Variants in DDX60 observed in about 807,000 individuals in gnomAD.
The protein encoded by DDX60 is DExD/H-box helicase 60.
DDX60 carries 165 observed loss-of-function variants against 212.8 expected under a neutral mutation model. The observed-to-expected ratio is 0.78, with a 90% CI of 0.68 to 0.88. DDX60 has a LOEUF of 0.88. DDX60 is among the 40% of genes least tolerant of loss of function. The pLI is 0.00. For synonymous variants in DDX60, 703 were observed against 685.3 expected (o/e 1.03, Z -0.40); for missense variants, 1,905 against 2,003.9 (o/e 0.95, Z 0.94).
chr4:168,272,256 T>G, intron 18 of DDX60, 118 bp from the exon 19 acceptor site: 1 of 734,634 alleles, frequency 1.4e-6, no homozygotes, highest in Non-Finnish European at 2.3e-6. Context: ...ATAATTGGCA[T>G]ATAACATTGC....
At chr4:168,292,264 C>T (rs908907056) in intron 7 of DDX60, among the ~76,000 whole-genome samples, 2 of 151,838 alleles carry the variant, frequency 1.3e-5, no homozygotes, top group Non-Finnish European at 2.9e-5. Context: ...AGGCTGGTCT[C>T]GAACTCCTGA....
chr4:168,269,586 G>A (rs1735004549), intron 19 of DDX60, among the ~76,000 whole-genome samples: 1 of 151,854 alleles, frequency 6.6e-6, no homozygotes, highest in East Asian at 1.9e-4. Flanking sequence ...GGGCAACAGA[G>A]CGAGACTCCA....
At chr4:168,239,116 T>C (rs1246722136) in intron 30 of DDX60, among the ~76,000 whole-genome samples, 1 of 152,142 alleles carries the variant, frequency 6.6e-6, no homozygotes, top group East Asian at 1.9e-4. Flanking sequence ...CCTAAAATTA[T>C]GGTGATGCTG....
chr4:168,305,983 T>C (rs933270851), intron 5 of DDX60, among the ~76,000 whole-genome samples: 1 of 152,170 alleles, frequency 6.6e-6, no homozygotes, highest in Admixed American at 6.5e-5. Context: ...GTCAACATAT[T>C]ATGCAGCAGT....
At chr4:168,295,320 T>G (rs1736295626) in intron 6 of DDX60, among the ~76,000 whole-genome samples, 1 of 152,228 alleles carries the variant, frequency 6.6e-6, no homozygotes, top group Non-Finnish European at 1.5e-5. Context: ...TGAATCCTTC[T>G]GGATGAATTG....
intron 22 of DDX60, among the ~76,000 whole-genome samples, chr4:168,265,934 T>C (rs557699): frequency 0.04 from 6,023 of 151,962 alleles, 264 homozygotes; most frequent in African/African-American, 0.11. Context: ...CCTTTTATTC[T>C]TATATGTGGG....
upstream of DDX60, among the ~76,000 whole-genome samples, chr4:168,320,548 A>G (rs1259790367): frequency 6.6e-6 from 1 of 152,200 alleles, no homozygotes; most frequent in Non-Finnish European, 1.5e-5. Flanking sequence ...CTCTGAGCTC[A>G]GAACTGTAAG....
intron 8 of DDX60, among the ~76,000 whole-genome samples, chr4:168,289,826 A>G (rs1357981548): frequency 6.6e-6 from 1 of 151,910 alleles, no homozygotes; most frequent in African/African-American, 2.4e-5. Flanking sequence ...ACCTTAAATA[A>G]CTCTTAAAAT....
rs758877182 is a variant in DDX60 at position 168,255,869 on chromosome 4, T to A, written c.3399A>T (p.Leu1133Phe). The change falls in exon 26 of 38, where the codon TTA becomes TTT. Residue 1133 changes from leucine (L) to phenylalanine (F), a missense_variant and splice_region_variant. By Grantham distance (22) the Leu-to-Phe change is conservative. Transcript: ENST00000393743. Reference protein sequence around the residue: ...KMEKLPALFFLFKLGAVENAA... With the variant: ...KMEKLPALFFFFKLGAVENAA... Reference sequence around the variant, plus strand: ...CGTTTTCTACAGCTCCTAACTTGAATCTGGAAATAAAAAGAATGTGCGCCT... The same window carrying A: ...CGTTTTCTACAGCTCCTAACTTGAAACTGGAAATAAAAAGAATGTGCGCCT... The A allele has an allele frequency of 4.5e-6, 7 of 1,571,426 alleles. No homozygotes were observed. The highest frequency in any genetic ancestry group is 1.2e-5 in the South Asian group (1 of 83,748).
chr4:168,228,040 T>C (rs960919662), intron 33 of DDX60, among the ~76,000 whole-genome samples: 4 of 152,152 alleles, frequency 2.6e-5, no homozygotes, highest in African/African-American at 9.6e-5. Flanking sequence ...ATTGTCATTG[T>C]GCAAACATCA....
chr4:168,227,068 A>T (rs1173041853), intron 33 of DDX60, among the ~76,000 whole-genome samples: 1 of 152,092 alleles, frequency 6.6e-6, no homozygotes, highest in Admixed American at 6.6e-5. Flanking sequence ...AGTTGGTGTT[A>T]TTCTCTTTAC....
chr4:168,265,762 C>A (rs1734813460), intron 22 of DDX60: 1 of 142,118 alleles, frequency 7.0e-6, no homozygotes, highest in Non-Finnish European at 1.5e-5. Flanking sequence ...TAAAATGCCA[C>A]ATAATGATGA....
At chr4:168,218,906 C>T (rs1271032401) in intron 37 of DDX60, among the ~76,000 whole-genome samples, 1 of 152,118 alleles carries the variant, frequency 6.6e-6, no homozygotes, top group Non-Finnish European at 1.5e-5. Context: ...GCCATCATAG[C>T]TCTGACCATG....
chr4:168,220,707 CT>C lies in DDX60; in HGVS notation c.4986del (p.Gly1663GlufsTer7). ...IGLVQDNRMN[E>X]GDAYYLLKDF... ...TCCTTCAACAAATAATAAGCATCTC[CT>C]TCATTCATCCTAAAGAAAACAACAT... On this transcript the variant is annotated frameshift_variant, in exon 37 of 38. Transcript: ENST00000393743. LOFTEE classifies it high-confidence loss of function. The C allele has an allele frequency of 7.0e-7, 1 of 1,429,120 alleles. No individual in the cohort carries two copies. Among genetic ancestry groups the C allele is most frequent in the Non-Finnish European group, 9.2e-7 (1 of 1,084,660 alleles). 88.5% of individuals were successfully genotyped at this position (1,429,120 alleles called of 1,614,324 possible). A position where few individuals can be genotyped will look rare whatever the true frequency, so the allele number is the denominator to read the frequency against.
At chr4:168,244,150 C>T (rs970388768) in intron 30 of DDX60, among the ~76,000 whole-genome samples, 16 of 152,090 alleles carry the variant, frequency 1.1e-4, no homozygotes, top group African/African-American at 1.7e-4. Context: ...ATGCATGCTA[C>T]GCTTAACACT....
chr4:168,247,166 T>C (rs1734052072), intron 29 of DDX60, among the ~76,000 whole-genome samples: 1 of 152,234 alleles, frequency 6.6e-6, no homozygotes, highest in Non-Finnish European at 1.5e-5. Context: ...AACTCTTATT[T>C]ATTAAGTGCT....
chr4:168,283,533 T>C lies in DDX60; in HGVS notation c.1635A>G (p.Ser545=), dbSNP rs750392099. The part of the protein sequence containing the change: ...YHVFQRFYGN[S]LETVSSKIIV... ...TGATTTTCGAAGAGACTGTTTCTAA[T>C]GAATTCCCATAAAACCGTTGGAAAA... The change falls in exon 13 of 38, where the codon TCA becomes TCG. Residue 545 remains serine, a synonymous_variant. Transcript: ENST00000393743. 3 of 1,613,470 alleles carry C rather than the reference T, an allele frequency of 1.9e-6. No homozygotes were observed. Among genetic ancestry groups the C allele is most frequent in the Admixed American group, 1.7e-5 (1 of 59,968 alleles).
chr4:168,237,921 T>C, intron 30 of DDX60, 126 bp from the exon 31 acceptor site: 1 of 646,324 alleles, frequency 1.5e-6, no homozygotes, highest in Non-Finnish European at 2.4e-6. Context: ...TCAGAAAAAA[T>C]TTGATTTCAT....
At chr4:168,297,365 A>G (rs1040540415) in intron 6 of DDX60, among the ~76,000 whole-genome samples, 9 of 58,222 alleles carry the variant, frequency 1.5e-4, no homozygotes, top group African/African-American at 6.2e-4. Flanking sequence ...AAAGAAAGAA[A>G]GAAAGAAAGA....
Sources: allele counts gnomAD v4.1 joint callset (sites outside exome capture counted in the v4.1 genomes callset), GRCh38; gene constraint gnomAD v4.1.1; transcripts MANE v1.5; gene names NCBI Gene and HGNC (gene_info 2026-07-23, HGNC 2026-07-21).